The following ITGAM variants were observed in gnomAD, a reference collection of about 807,000 sequenced individuals.
ITGAM encodes integrin alpha-M.
Under a neutral mutation model 137.5 loss-of-function variants are expected in ITGAM, and 79 were observed. That is an observed-to-expected ratio of 0.57 (90% confidence interval 0.48 to 0.69). The LOEUF is 0.69. Ranked by LOEUF, ITGAM falls within the 30% of genes least tolerant of loss-of-function variation. The pLI is 0.00. For synonymous variants in ITGAM, 583 were observed against 592.3 expected (o/e 0.98, Z 0.23); for missense variants, 1,343 against 1,483.5 (o/e 0.91, Z 1.56).
At position 31,321,232 on chromosome 16, in the gene ITGAM, T is replaced by A; in HGVS notation, c.1708-9T>A. The A allele has an allele frequency of 6.2e-7, 1 of 1,613,732 alleles. No individual in the cohort carries two copies. Among genetic ancestry groups the A allele is most frequent in the Non-Finnish European group, 8.5e-7 (1 of 1,179,796 alleles). On this transcript the variant is annotated splice_polypyrimidine_tract_variant and intron_variant, in intron 14 of 29. Transcript: ENST00000544665. Reference sequence around the variant, plus strand: ...CCTTTCTCTCTCCACACCTCTTTTTTACCCTCAGCGGATAGCAGGCTCCAA... The same window carrying A: ...CCTTTCTCTCTCCACACCTCTTTTTAACCCTCAGCGGATAGCAGGCTCCAA...
intron 14 of ITGAM, among the ~76,000 whole-genome samples, chr16:31,300,131 A>T (rs996302960): frequency 5.3e-5 from 8 of 152,066 alleles, no homozygotes; most frequent in East Asian, 3.9e-4. Context: ...TACCACAATT[A>T]AAAAAATCCA....
In ITGAM at chr16:31,283,832, C is replaced by T. The variant is rs1301921278; in HGVS notation, c.1356+5723C>T. On this transcript the variant is annotated intron_variant, in intron 12 of 29. Transcript: ENST00000544665. ...ATTTTTAAAATTTTCAGCTTTTCTG[C>T]TCTGGTTTCTCCCCATCTTTGTGGT... Among the ~76,000 whole-genome samples, 5 of 152,188 alleles carry T rather than the reference C, an allele frequency of 3.3e-5. No homozygotes were observed. The East Asian group carries it at 7.7e-4, about 23-fold the overall frequency.
Position 31,324,881 on chromosome 16 carries a change from A to G in ITGAM, c.2290-77A>G, listed in dbSNP as rs1307567663. On this transcript the variant is annotated intron_variant, in intron 18 of 29. Transcript: ENST00000544665. This position sits in a 1 kb window ranked among gnomAD's most constrained non-coding sequence, Gnocchi z 4.5. ...TGATTGCATCTAATTTTACTTCAAC[A>G]TTTGATTTTATTGTTTAATTTCACA... 1.3e-6 allele frequency: 2 copies of G among 1,548,766 alleles called. No individual in the cohort carries two copies. The highest frequency in any genetic ancestry group is 1.8e-6 in the Non-Finnish European group (2 of 1,141,544).
At chr16:31,286,377 G>A (rs1024598867) in intron 12 of ITGAM, among the ~76,000 whole-genome samples, 7 of 152,100 alleles carry the variant, frequency 4.6e-5, no homozygotes, top group Non-Finnish European at 1.0e-4. Flanking sequence ...TGAGATTGCT[G>A]GGCTGAATAG....
chr16:31,266,390 C>A (rs1364559002), intron 5 of ITGAM, among the ~76,000 whole-genome samples: 2 of 148,946 alleles, frequency 1.3e-5, no homozygotes, highest in Admixed American at 6.7e-5. Flanking sequence ...TGAGATCAGC[C>A]TGGGCAATGT....
At chr16:31,302,918 CTCTTTCTTTCTTTCTTTCTT>C (rs67320202) in intron 14 of ITGAM, among the ~76,000 whole-genome samples, 8,393 of 72,950 alleles carry the variant, frequency 0.12, 561 homozygotes, top group Middle Eastern at 0.13. Flanking sequence ...CTTTCCCTCC[CTCTTTCTTTCTTTCTTTCTT>C]TCTTTCTTTC....
In ITGAM at chr16:31,297,956, T is replaced by C; in HGVS notation, c.1707+2T>C. ...GGCATCAGCCCCTCCCATAGCCAGG[T>C]GAGACCTGGTCACTGTCCTTGTCAT... On this transcript the variant is annotated splice_donor_variant, in intron 14 of 29. Coordinates refer to ENST00000544665, the MANE Select transcript of ITGAM (RefSeq NM_000632.4). LOFTEE classifies it high-confidence loss of function. The C allele has an allele frequency of 6.2e-7, 1 of 1,611,512 alleles. No individual in the cohort carries two copies. Among genetic ancestry groups the C allele is most frequent in the African/African-American group, 1.3e-5 (1 of 74,938 alleles).
At chr16:31,321,117 T>A (rs1941654731) in intron 14 of ITGAM, 124 bp from the exon 15 acceptor site, 1 of 1,048,924 alleles carries the variant, frequency 9.5e-7, no homozygotes, top group Admixed American at 2.2e-5. Context: ...CCTTGGTTAG[T>A]TGCAAGAGAT....
chr16:31,331,931 A>T lies in ITGAM; in HGVS notation c.*224A>T, dbSNP rs2080591921. 9.0e-6 allele frequency: 5 copies of T among 557,114 alleles called. No homozygotes were observed. The highest frequency in any genetic ancestry group is 1.6e-5 in the Non-Finnish European group (5 of 315,302). The allele number at this position is 557,114 out of a possible 1,614,324, so 34.5% of individuals were successfully genotyped here. ...TGCGTGCATGTGCACTTGCACGCCC[A>T]TGTGTGAGTGTGTGCAAGTATGTGA... On this transcript the variant is annotated 3_prime_UTR_variant, in exon 30 of 30. Coordinates refer to ENST00000544665, the MANE Select transcript of ITGAM (RefSeq NM_000632.4).
chr16:31,261,378 C>T (rs2079697734), intron 1 of ITGAM, among the ~76,000 whole-genome samples: 1 of 151,794 alleles, frequency 6.6e-6, no homozygotes, highest in Non-Finnish European at 1.5e-5. Flanking sequence ...GATGGGGTCT[C>T]ACTGTGTTGC....
chr16:31,308,315 C>T (rs2080286768), intron 14 of ITGAM, among the ~76,000 whole-genome samples: 1 of 152,112 alleles, frequency 6.6e-6, no homozygotes. Context: ...TAGTTATTGC[C>T]TCAATTTCAG....
chr16:31,287,528 C>T (rs566080342), intron 12 of ITGAM, among the ~76,000 whole-genome samples: 13 of 152,232 alleles, frequency 8.5e-5, no homozygotes, highest in African/African-American at 1.7e-4. Flanking sequence ...TTATTTGTGT[C>T]GTCTCTGATT....
At chr16:31,281,332 G>A (rs2079966612) in intron 12 of ITGAM, among the ~76,000 whole-genome samples, 1 of 152,142 alleles carries the variant, frequency 6.6e-6, no homozygotes, top group Non-Finnish European at 1.5e-5. Flanking sequence ...GAATTCAGCT[G>A]TGAATCCGTC....
intron 14 of ITGAM, among the ~76,000 whole-genome samples, chr16:31,319,321 C>T (rs769529800): frequency 2.0e-5 from 3 of 151,668 alleles, no homozygotes; most frequent in Non-Finnish European, 4.4e-5. Context: ...GTCTATTTCT[C>T]CCTTCAGTTC....
intron 4 of ITGAM, 22 bp downstream of exon 4, chr16:31,265,903 G>C: frequency 6.2e-7 from 1 of 1,612,294 alleles, no homozygotes. Flanking sequence ...TCGATCAGAG[G>C]AGCATCCTAA....
At chr16:31,316,278 C>T (rs139567602) in intron 14 of ITGAM, among the ~76,000 whole-genome samples, 7,662 of 144,528 alleles carry the variant, frequency 0.053, 717 homozygotes, top group African/African-American at 0.19. Context: ...GTTCCAGCTA[C>T]TCGGGAGGCT....
intron 14 of ITGAM, among the ~76,000 whole-genome samples, chr16:31,304,635 A>G (rs1340148679): frequency 6.6e-6 from 1 of 152,112 alleles, no homozygotes; most frequent in Non-Finnish European, 1.5e-5. Context: ...TGATTTTTGT[A>G]TAAGTTGAGA....
intron 14 of ITGAM, among the ~76,000 whole-genome samples, chr16:31,316,933 T>A (rs1387807378): frequency 6.6e-6 from 1 of 152,220 alleles, no homozygotes; most frequent in Non-Finnish European, 1.5e-5. Flanking sequence ...AATTTTTGTA[T>A]GTTCATTTTG....
chr16:31,307,221 T>C (rs2080273959), intron 14 of ITGAM, among the ~76,000 whole-genome samples: 1 of 152,314 alleles, frequency 6.6e-6, no homozygotes, highest in East Asian at 1.9e-4. Context: ...GCATTGAATC[T>C]ATAAATTACC....
Sources: gnomAD v4.1 joint callset for allele counts (sites outside exome capture counted in the v4.1 genomes callset) on GRCh38, gnomAD v4.1.1 for gene constraint, Gnocchi (gnomAD v3.1) non-coding constraint, MANE v1.5 for transcripts, NCBI Gene and HGNC (gene_info 2026-07-23, HGNC 2026-07-21) for gene names.